Variants in ZNF544 observed in about 807,000 individuals in gnomAD.
ZNF544 encodes zinc finger protein 544.
In ZNF544, 10 loss-of-function variants were observed where a neutral mutation model predicts 13.5. The observed-to-expected ratio is 0.74, with a 90% CI of 0.46 to 1.25. The LOEUF (loss-of-function observed/expected upper bound fraction) is 1.25. ZNF544 is among the 50% of genes most tolerant of loss of function. The probability of loss-of-function intolerance (pLI) is 0.00; values close to 1 mark genes in which losing one functional copy is unlikely to be tolerated. For synonymous variants in ZNF544, 323 were observed against 300.5 expected, an observed-to-expected ratio of 1.07 and a Z score of -0.77; for missense variants, 896 against 845.6, an observed-to-expected ratio of 1.06 and a Z score of -0.74.
intron 3 of ZNF544, among the ~76,000 whole-genome samples, chr19:58,236,366 C>A (rs1048256691): frequency 1.3e-5 from 2 of 151,308 alleles, no homozygotes. Flanking sequence ...AGGGTGGTGG[C>A]GCATACCTGT....
In ZNF544 at chr19:58,262,555, A is replaced by G. The variant is rs1430962805; in HGVS notation, c.1949A>G (p.His650Arg). 6.2e-6 allele frequency: 10 copies of G among 1,614,262 alleles called. No homozygotes were observed. Among genetic ancestry groups the G allele is most frequent in the Non-Finnish European group, 7.6e-6 (9 of 1,180,034 alleles). ...AFARSSYLVMHQRTHTGEKPF... is the reference protein window; with the variant it reads ...AFARSSYLVMRQRTHTGEKPF... ...GCAAGGAGCTCCTACCTTGTGATGC[A>G]TCAGAGAACTCACACTGGTGAGAAA... Residue 650 changes from histidine (H) to arginine (R), a missense_variant, in exon 7 of 7, where the codon CAT (histidine) becomes CGT (arginine). His to Arg is a conservative substitution (Grantham distance 29). Coordinates refer to ENST00000687789, the MANE Select transcript of ZNF544 (RefSeq NM_014480.4).
In ZNF544 at chr19:58,243,991, C is replaced by G. The variant is rs368330855; in HGVS notation, c.-33C>G. The G allele has an allele frequency of 6.2e-7, 1 of 1,602,464 alleles. No individual in the cohort carries two copies. Among genetic ancestry groups the G allele is most frequent in the African/African-American group, 1.3e-5 (1 of 74,592 alleles). Reference sequence around the variant, plus strand: ...CTGGTCTTCTGAGGACCTCTGCCCTCTACACAGCGGCCTCTTCAGGTGCAG... The same window carrying G: ...CTGGTCTTCTGAGGACCTCTGCCCTGTACACAGCGGCCTCTTCAGGTGCAG... On this transcript the variant is annotated 5_prime_UTR_variant, in exon 4 of 7. Transcript: ENST00000687789.
intron 6 of ZNF544, among the ~76,000 whole-genome samples, chr19:58,255,207 T>G (rs2047019115): frequency 7.0e-6 from 1 of 143,274 alleles, no homozygotes; most frequent in Admixed American, 7.0e-5. Flanking sequence ...GTTTTGGTCT[T>G]GTTGCCCAGG....
chr19:58,237,822 G>A (rs1210937091), intron 3 of ZNF544, among the ~76,000 whole-genome samples: 1 of 152,238 alleles, frequency 6.6e-6, no homozygotes, highest in African/African-American at 2.4e-5. Context: ...GAGGCAGCAA[G>A]GTGCGGAGCC....
chr19:58,272,359 T>A (rs1037585271), intron 5 of ZNF544, among the ~76,000 whole-genome samples: 1 of 151,886 alleles, frequency 6.6e-6, no homozygotes, highest in African/African-American at 2.4e-5. Context: ...GCCGTGAGTT[T>A]GAGATTAGAC....
intron 6 of ZNF544, chr19:58,257,430 A>C (rs1331874614): frequency 6.6e-6 from 1 of 152,250 alleles, no homozygotes; most frequent in Non-Finnish European, 1.5e-5. Context: ...CCTATGAAAT[A>C]GTGGCCCATG....
intron 3 of ZNF544, among the ~76,000 whole-genome samples, chr19:58,239,177 C>T (rs1269747969): frequency 6.6e-6 from 1 of 152,198 alleles, no homozygotes; most frequent in Non-Finnish European, 1.5e-5. Flanking sequence ...GGCTTGCCCG[C>T]AAGGTTCTTC....
chr19:58,271,957 T>G (rs891555978), intron 5 of ZNF544, among the ~76,000 whole-genome samples: 1 of 151,340 alleles, frequency 6.6e-6, no homozygotes, highest in African/African-American at 2.4e-5. Context: ...AGGTCAGGAG[T>G]TGAAGACCAG....
At chr19:58,276,187 TAAAC>T (rs974176531) in intron 5 of ZNF544, 10 of 387,686 alleles carry the variant, frequency 2.6e-5, no homozygotes, top group Middle Eastern at 6.8e-4. Flanking sequence ...AAAAAACAAA[TAAAC>T]AACAAAAAAA....
Position 58,263,447 on chromosome 19 carries a change from G to A in ZNF544, c.*693G>A, listed in dbSNP as rs1031313886. On this transcript the variant is annotated 3_prime_UTR_variant, in exon 7 of 7. Transcript: ENST00000687789. ...TCACACCGCTGCCTTGTGAGAGATT[G>A]AGACACTCTAAATAAATAATAACCA... The A allele has an allele frequency of 9.1e-6, 9 of 985,204 alleles. No individual in the cohort carries two copies. The highest frequency in any genetic ancestry group is 1.1e-5 in the Non-Finnish European group (9 of 829,928). The allele number at this position is 985,204 out of a possible 1,614,324, so 61.0% of individuals were successfully genotyped here. A position where few individuals can be genotyped will look rare whatever the true frequency, so the allele number is the denominator to read the frequency against.
intron 4 of ZNF544, among the ~76,000 whole-genome samples, chr19:58,245,109 A>G (rs2044814911): frequency 6.6e-6 from 1 of 151,396 alleles, no homozygotes; most frequent in Non-Finnish European, 1.5e-5. Flanking sequence ...CACCACACCC[A>G]GCTAATTTTT....
intron 3 of ZNF544, among the ~76,000 whole-genome samples, chr19:58,233,421 A>C (rs1020011918): frequency 1.3e-5 from 2 of 152,222 alleles, no homozygotes; most frequent in African/African-American, 2.4e-5. Flanking sequence ...TGGACCAGAC[A>C]CCATAGCATA....
intron 5 of ZNF544, among the ~76,000 whole-genome samples, chr19:58,273,453 G>A (rs1004841964): frequency 1.3e-5 from 2 of 152,256 alleles, no homozygotes; most frequent in Middle Eastern, 3.4e-3. Flanking sequence ...CACTTTGGGA[G>A]GCCAAGGTGG....
In ZNF544 at chr19:58,236,726, A is replaced by G. The variant is rs565376268; in HGVS notation, c.-60+6264A>G. Among the ~76,000 whole-genome samples the G allele has an allele frequency of 3.3e-5, 5 of 150,074 alleles. No homozygotes were observed. In the East Asian group the frequency reaches 9.9e-4, roughly 30 times the overall value. Reference sequence around the variant, plus strand: ...CATTTTTAAGCCTCCATTTGTGTGTATGTATCATTCTGTGAAACTTTTTTT... The same window carrying G: ...CATTTTTAAGCCTCCATTTGTGTGTGTGTATCATTCTGTGAAACTTTTTTT... On this transcript the variant is annotated intron_variant, in intron 3 of 6. Coordinates refer to ENST00000687789, the MANE Select transcript of ZNF544 (RefSeq NM_014480.4).
intron 6 of ZNF544, among the ~76,000 whole-genome samples, chr19:58,252,726 T>A (rs1363198861): frequency 6.6e-6 from 1 of 152,262 alleles, no homozygotes; most frequent in African/African-American, 2.4e-5. Context: ...CAAGAAATCC[T>A]GAACTATTAG....
chr19:58,238,210 G>A (rs2042841593), intron 3 of ZNF544, among the ~76,000 whole-genome samples: 1 of 152,222 alleles, frequency 6.6e-6, no homozygotes, highest in African/African-American at 2.4e-5. Flanking sequence ...GGGATTACAG[G>A]TGTGAGTTAC....
rs919160966 is a variant in ZNF544, at chr19:58,273,689, CAAA to C, written c.245-2620_245-2618del. ...TGGGCGACAGAGTGAGACTCTGTCTCAAAAAAAAAAAAAAAAGCCTATTCTGTA... is the reference window on the plus strand; with the variant it reads ...TGGGCGACAGAGTGAGACTCTGTCTCAAAAAAAAAAAAAGCCTATTCTGTA... On this transcript the variant is annotated intron_variant, in intron 5 of 6. Coordinates refer to the ZNF544 transcript ENST00000595981. 8.2e-3 allele frequency among the ~76,000 whole-genome samples: 496 copies of C among 60,392 alleles called. 3 individuals are homozygous for C. Among genetic ancestry groups the C allele is most frequent in the African/African-American group, 0.027 (469 of 17,436 alleles). 39.6% of individuals were successfully genotyped at this position (60,392 alleles called of 152,430 possible).
chr19:58,229,757 T>G (rs1487705371), intron 2 of ZNF544, 187 bp downstream of exon 2: 1 of 152,356 alleles, frequency 6.6e-6, no homozygotes, highest in African/African-American at 2.4e-5. Flanking sequence ...CGCCTGTAAG[T>G]TAGGGATCGG....
Position 58,244,042 on chromosome 19 carries a change from C to G in ZNF544, c.19C>G (p.Leu7Val), listed in dbSNP as rs1386114782. ...GGAGGAAATGGAAGCACGTTCTATG[C>G]TGGTTCCACCCCAGGTGAGTGGGGG... MEARSM[L>V]VPPQASVCFE... Residue 7 changes from leucine to valine, a missense_variant, in exon 4 of 7, where the codon CTG (leucine) becomes GTG (valine). Coordinates refer to ENST00000687789, the MANE Select transcript of ZNF544 (RefSeq NM_014480.4). The G allele has an allele frequency of 6.2e-7, 1 of 1,608,018 alleles. No homozygotes were observed. The highest frequency in any genetic ancestry group is 1.7e-5 in the Admixed American group (1 of 59,074).
Sources: allele counts gnomAD v4.1 joint callset (sites outside exome capture counted in the v4.1 genomes callset), GRCh38; gene constraint gnomAD v4.1.1; transcripts MANE v1.5; gene names NCBI Gene and HGNC (gene_info 2026-07-23, HGNC 2026-07-21).